The following KCTD20 variants were observed in gnomAD, a reference collection of about 807,000 sequenced individuals.
The protein encoded by KCTD20 is BTB/POZ domain-containing protein KCTD20.
In KCTD20, 30 loss-of-function variants were observed where a neutral mutation model predicts 39.6. The observed-to-expected ratio is 0.76, with a 90% CI of 0.57 to 1.03. The LOEUF is 1.03. Among genes scored for constraint, KCTD20 ranks in the 50% least tolerant of loss-of-function variants. The pLI, the probability that KCTD20 is intolerant of heterozygous loss-of-function variation, is 0.00. For missense variants in KCTD20, 422 were observed against 522.0 expected (o/e 0.81, Z 1.87); for synonymous variants, 162 against 180.6 (o/e 0.90, Z 0.83).
chr6:36,466,694 CT>C (rs148182034), intron 1 of KCTD20, among the ~76,000 whole-genome samples: 46 of 148,770 alleles, frequency 3.1e-4, no homozygotes, highest in Non-Finnish European at 4.2e-4. Context: ...TTTTTCTTTC[CT>C]TTTTTTTTTC....
intron 6 of KCTD20, among the ~76,000 whole-genome samples, chr6:36,483,270 T>TC (rs1340598842): frequency 1.4e-5 from 2 of 147,072 alleles, no homozygotes; most frequent in African/African-American, 5.0e-5. Context: ...TTTCTTTTTT[T>TC]TTTTTTTTTT....
At chr6:36,467,377 C>T (rs1162453327) in intron 1 of KCTD20, among the ~76,000 whole-genome samples, 5 of 94,896 alleles carry the variant, frequency 5.3e-5, no homozygotes, top group African/African-American at 1.7e-4. Context: ...TTCGCACTTT[C>T]GCCCAGGCTG....
intron 1 of KCTD20, among the ~76,000 whole-genome samples, chr6:36,458,592 A>G (rs1004755655): frequency 6.7e-6 from 1 of 150,342 alleles, no homozygotes; most frequent in Non-Finnish European, 1.5e-5. Flanking sequence ...TATGTTGCCC[A>G]GGCTGGTCTT....
At chr6:36,481,066 C>G (rs1776231666) in intron 5 of KCTD20, among the ~76,000 whole-genome samples, 1 of 152,190 alleles carries the variant, frequency 6.6e-6, no homozygotes, top group Non-Finnish European at 1.5e-5. Flanking sequence ...TAACTATTCT[C>G]TGAATTTCAT....
chr6:36,444,301 C>T (rs1043483299), intron 1 of KCTD20, among the ~76,000 whole-genome samples: 2 of 152,140 alleles, frequency 1.3e-5, no homozygotes, highest in Non-Finnish European at 2.9e-5. Context: ...AACCCTTTGT[C>T]GATGTTTTCC....
chr6:36,479,771 A>C, intron 5 of KCTD20, 60 bp downstream of exon 5: 1 of 865,254 alleles, frequency 1.2e-6, no homozygotes, highest in East Asian at 3.3e-5. Context: ...TTTTCTTGGA[A>C]GTCACCGATT....
chr6:36,475,355 A>G (rs1285697378), intron 3 of KCTD20, among the ~76,000 whole-genome samples: 1 of 151,952 alleles, frequency 6.6e-6, no homozygotes. Context: ...AGGCTGAGGC[A>G]GGAGAATCGC....
At chr6:36,485,018 A>G (rs1776373986) in intron 7 of KCTD20, among the ~76,000 whole-genome samples, 194 bp downstream of exon 7, 1 of 152,200 alleles carries the variant, frequency 6.6e-6, no homozygotes. Flanking sequence ...GGTTCAAAGC[A>G]GCCACAGAAA....
chr6:36,486,010 T>C (rs1211636132), intron 7 of KCTD20, among the ~76,000 whole-genome samples: 1 of 152,118 alleles, frequency 6.6e-6, no homozygotes, highest in Non-Finnish European at 1.5e-5. Context: ...GCTCAAGTGG[T>C]CCTCCTGCCT....
At chr6:36,478,225 A>G (rs944777071) in intron 3 of KCTD20, among the ~76,000 whole-genome samples, 1 of 152,212 alleles carries the variant, frequency 6.6e-6, no homozygotes, top group East Asian at 1.9e-4. Context: ...TGGGAAGTCA[A>G]ATCTTAGGCT....
At chr6:36,458,555 A>G (rs1775507082) in intron 1 of KCTD20, among the ~76,000 whole-genome samples, 1 of 150,978 alleles carries the variant, frequency 6.6e-6, no homozygotes, top group East Asian at 2.0e-4. Flanking sequence ...AAAAAAAAAA[A>G]AAAAAGAAAA....
chr6:36,473,066 A>G (rs998726818), intron 2 of KCTD20, among the ~76,000 whole-genome samples: 2 of 141,218 alleles, frequency 1.4e-5, no homozygotes, highest in Admixed American at 1.4e-4. Flanking sequence ...CTTCTGGCTA[A>G]TTTTTTTTTT....
At chr6:36,464,718 A>G (rs1775692122) in intron 1 of KCTD20, among the ~76,000 whole-genome samples, 2 of 152,212 alleles carry the variant, frequency 1.3e-5, no homozygotes, top group Non-Finnish European at 2.9e-5. Flanking sequence ...AAACATTAGC[A>G]GAGTTCTCAT....
rs70975158 is a variant in KCTD20, at chr6:36,448,015, G to GTATA, written c.-47+4926_-47+4929dup. ...CCAAAATATATGTGTATGTGTGTGT[G>GTATA]TATATATATATATATATATATATAT... On this transcript the variant is annotated intron_variant, in intron 1 of 7. Transcript: ENST00000373731. Among the ~76,000 whole-genome samples the GTATA allele has an allele frequency of 2.8e-3, 358 of 128,944 alleles. 5 individuals carry two copies. Among genetic ancestry groups the GTATA allele is most frequent in the African/African-American group, 7.6e-3 (222 of 29,080 alleles). The allele number at this position is 128,944 out of a possible 152,430, so 84.6% of individuals were successfully genotyped here. A position where few individuals can be genotyped will look rare whatever the true frequency, so the allele number is the denominator to read the frequency against.
intron 1 of KCTD20, among the ~76,000 whole-genome samples, chr6:36,453,059 G>A (rs1328266137): frequency 1.4e-5 from 2 of 141,356 alleles, no homozygotes; most frequent in Non-Finnish European, 1.5e-5. Context: ...CCTGGCTGGA[G>A]TGCAGTGGCG....
rs746903116 is a variant in KCTD20 at position 36,475,048 on chromosome 6, T to C, written c.420T>C (p.Asp140=). ...CACAGATTTTCACTGCTCATCCGGA[T>C]ACCATGCTGGGAAGGTAACTGATGA... ...VNPQIFTAHP[D]TMLGRMFGPG... is the part of the protein sequence containing the mutation. The change falls in exon 3 of 8, where the codon GAT becomes GAC. Residue 140 remains aspartate, a synonymous_variant. Coordinates refer to ENST00000373731, the MANE Select transcript of KCTD20 (RefSeq NM_173562.5). 28 of 1,612,422 alleles carry C rather than the reference T, an allele frequency of 1.7e-5. No homozygotes were observed. The highest frequency in any genetic ancestry group is 3.3e-5 in the Admixed American group (2 of 59,944).
At chr6:36,448,027 A>G (rs979379169) in intron 1 of KCTD20, among the ~76,000 whole-genome samples, 6 of 146,336 alleles carry the variant, frequency 4.1e-5, no homozygotes, top group African/African-American at 1.5e-4. Flanking sequence ...ATATATATAT[A>G]TATATATATA....
intron 6 of KCTD20, among the ~76,000 whole-genome samples, chr6:36,482,426 G>A (rs1776278493): frequency 6.6e-6 from 1 of 152,056 alleles, no homozygotes; most frequent in Non-Finnish European, 1.5e-5. Flanking sequence ...GGTGGCGTGC[G>A]CCTGTAGTCC....
chr6:36,470,284 T>G, intron 2 of KCTD20, 27 bp downstream of exon 2: 1 of 1,569,256 alleles, frequency 6.4e-7, no homozygotes, highest in Non-Finnish European at 8.7e-7. Flanking sequence ...TTGACTTAAT[T>G]TGGGGGGCTT....
Sources: gnomAD v4.1 joint callset for allele counts (sites outside exome capture counted in the v4.1 genomes callset) on GRCh38, gnomAD v4.1.1 for gene constraint, MANE v1.5 for transcripts, NCBI Gene and HGNC (gene_info 2026-07-23, HGNC 2026-07-21) for gene names.